Variants in IL1RAPL1 observed in about 807,000 individuals in gnomAD.
IL1RAPL1 encodes the protein interleukin 1 receptor accessory protein like 1, also known as interleukin-1 receptor accessory protein-like 1.
In IL1RAPL1, 3 loss-of-function variants were observed where a neutral mutation model predicts 48.4. That is an observed-to-expected ratio of 0.06 (90% CI 0.03 to 0.16). The LOEUF (loss-of-function observed/expected upper bound fraction) is 0.16, where lower values mean the gene tolerates loss of function less well. Among genes scored for constraint, IL1RAPL1 ranks in the 10% least tolerant of loss-of-function variants. The probability of loss-of-function intolerance (pLI) is 1.00; values close to 1 mark genes in which losing one functional copy is unlikely to be tolerated. For missense variants in IL1RAPL1, 349 were observed against 530.6 expected, an observed-to-expected ratio of 0.66 and a Z score of 3.36; for synonymous variants, 185 against 187.7, an observed-to-expected ratio of 0.99 and a Z score of 0.12.
chrX:29,856,967 A>G (rs1297210619), intron 6 of IL1RAPL1, among the ~76,000 whole-genome samples: 1 of 111,522 alleles, frequency 9.0e-6, no homozygotes, highest in Admixed American at 9.6e-5. Context: ...ATAAATCATT[A>G]AGAAAAGATT....
chrX:29,707,683 G>C (rs750635734), intron 6 of IL1RAPL1, among the ~76,000 whole-genome samples: 15 of 111,821 alleles, frequency 1.3e-4, no homozygotes, highest in Non-Finnish European at 2.8e-4. Flanking sequence ...AGTAACTCAG[G>C]AATGGAAAAC....
At chrX:29,819,787 C>G (rs1456146097) in intron 6 of IL1RAPL1, among the ~76,000 whole-genome samples, 2 of 105,306 alleles carry the variant, frequency 1.9e-5, no homozygotes, top group Non-Finnish European at 3.9e-5. Context: ...GATAGTTTAC[C>G]AAAATATTTA....
At chrX:29,350,122 A>C (rs1359811758) in intron 3 of IL1RAPL1, among the ~76,000 whole-genome samples, 2 of 94,953 alleles carry the variant, frequency 2.1e-5, no homozygotes, top group African/African-American at 8.3e-5. Context: ...CAGTCATATC[A>C]CTGTCTTTGG....
At chrX:29,555,124 A>T (rs1382200741) in intron 5 of IL1RAPL1, among the ~76,000 whole-genome samples, 1 of 112,619 alleles carries the variant, frequency 8.9e-6, no homozygotes, top group East Asian at 2.8e-4. Flanking sequence ...TTTTCCCATT[A>T]ATTCATGCCA....
chrX:29,031,162 A>T (rs1300510462), intron 2 of IL1RAPL1, among the ~76,000 whole-genome samples: 1 of 112,227 alleles, frequency 8.9e-6, no homozygotes, highest in Non-Finnish European at 1.9e-5. Context: ...GTGTTAAGAT[A>T]ATTTAGGAAA....
chrX:29,914,691 AAAAAAACAAAAAC>A (rs1386102813), intron 6 of IL1RAPL1, among the ~76,000 whole-genome samples: 8 of 110,762 alleles, frequency 7.2e-5, no homozygotes, highest in South Asian at 3.8e-4. Flanking sequence ...CCTGGTACAA[AAAAAAACAAAAAC>A]AAAAACAAAA....
chrX:29,491,130 T>C (rs188528892), intron 5 of IL1RAPL1, among the ~76,000 whole-genome samples: 201 of 111,591 alleles, frequency 1.8e-3, no homozygotes, highest in African/African-American at 6.3e-3. Flanking sequence ...AATTCTAATT[T>C]CGGTATACAT....
intron 2 of IL1RAPL1, among the ~76,000 whole-genome samples, chrX:28,863,418 CTTT>C (rs11395764): frequency 1.2e-5 from 1 of 85,317 alleles, no homozygotes; most frequent in Non-Finnish European, 2.3e-5. Flanking sequence ...GCCTACGGGC[CTTT>C]TTTTTTTTTT....
chrX:28,663,997 T>C (rs1934848203), intron 1 of IL1RAPL1, among the ~76,000 whole-genome samples: 2 of 112,287 alleles, frequency 1.8e-5, no homozygotes, highest in East Asian at 2.8e-4. Flanking sequence ...ACTTTGCATC[T>C]TGACATAACC....
At chrX:29,177,296 G>A (rs1013111601) in intron 2 of IL1RAPL1, among the ~76,000 whole-genome samples, 3 of 111,919 alleles carry the variant, frequency 2.7e-5, no homozygotes, top group African/African-American at 9.7e-5. Flanking sequence ...TTTTGAAGAT[G>A]TATTGAATCA....
At chrX:28,991,842 T>G (rs1482350432) in intron 2 of IL1RAPL1, among the ~76,000 whole-genome samples, 2 of 112,574 alleles carry the variant, frequency 1.8e-5, no homozygotes, top group African/African-American at 6.5e-5. Flanking sequence ...AACTTTTGTT[T>G]CACAATTATT....
intron 1 of IL1RAPL1, among the ~76,000 whole-genome samples, chrX:28,753,940 GAC>G (rs1491228706): frequency 9.1e-6 from 1 of 109,429 alleles, no homozygotes; most frequent in African/African-American, 3.4e-5. Flanking sequence ...GAGAGAGAGA[GAC>G]AGAGAAAGAG....
At chrX:28,752,414 C>T (rs1471355070) in intron 1 of IL1RAPL1, among the ~76,000 whole-genome samples, 2 of 111,975 alleles carry the variant, frequency 1.8e-5, no homozygotes, top group African/African-American at 6.5e-5. Context: ...TACTGAACCC[C>T]TGGAAAGGCT....
chrX:29,358,529 C>T (rs1349116336), intron 3 of IL1RAPL1, among the ~76,000 whole-genome samples: 2 of 109,208 alleles, frequency 1.8e-5, no homozygotes, highest in African/African-American at 3.3e-5. Context: ...AACATAAATA[C>T]ATATGTGTTA....
chrX:29,230,845 T>A (rs1931190108), intron 2 of IL1RAPL1, among the ~76,000 whole-genome samples: 1 of 111,379 alleles, frequency 9.0e-6, no homozygotes, highest in Non-Finnish European at 1.9e-5. Context: ...CTTTCTGTGA[T>A]GAGGGCCCTG....
chrX:28,934,512 C>A (rs1923966857), intron 2 of IL1RAPL1, among the ~76,000 whole-genome samples: 1 of 111,045 alleles, frequency 9.0e-6, no homozygotes, highest in African/African-American at 3.3e-5. Flanking sequence ...AAACAATGTA[C>A]CCATTAACAG....
At chrX:29,019,189 C>T (rs772784231) in intron 2 of IL1RAPL1, among the ~76,000 whole-genome samples, 2 of 110,853 alleles carry the variant, frequency 1.8e-5, no homozygotes, top group African/African-American at 3.3e-5. Context: ...TCCCATGACC[C>T]GTGGGGATTA....
At chrX:29,328,997 A>C (rs1327700504) in intron 3 of IL1RAPL1, among the ~76,000 whole-genome samples, 3 of 111,645 alleles carry the variant, frequency 2.7e-5, no homozygotes, top group African/African-American at 9.8e-5. Context: ...ATTGATATAG[A>C]GCATTTTCTG....
Position 28,627,125 on chromosome X carries a change from A to G in IL1RAPL1, c.-25+39078A>G, listed in dbSNP as rs771036049. ...GAATTGTTCCCACATCAAAAGATTT[A>G]TGAACTGTGCATTTTAAACAGTTCT... On this transcript the variant is annotated intron_variant, in intron 1 of 10. Transcript: ENST00000378993. Among the ~76,000 whole-genome samples, 34 of 112,189 alleles carry G rather than the reference A, an allele frequency of 3.0e-4. No homozygotes were observed. In the South Asian group the frequency reaches 0.011, roughly 38 times the overall value.
Sources: allele counts gnomAD v4.1 joint callset (sites outside exome capture counted in the v4.1 genomes callset), GRCh38; gene constraint gnomAD v4.1.1; transcripts MANE v1.5; gene names NCBI Gene and HGNC (gene_info 2026-07-23, HGNC 2026-07-21).